Variants in TMEM163 observed in about 807,000 individuals in gnomAD.
The protein encoded by TMEM163 is transmembrane protein 163.
TMEM163 carries 17 observed loss-of-function variants against 29.3 expected under a neutral mutation model. That is an observed-to-expected ratio of 0.58 (90% CI 0.40 to 0.87). TMEM163 has a LOEUF of 0.87. Ranked by LOEUF, TMEM163 falls within the 40% of genes least tolerant of loss-of-function variation. The pLI is 0.00. For synonymous variants in TMEM163, 157 were observed against 160.6 expected (o/e 0.98, Z 0.17); for missense variants, 303 against 381.5 (o/e 0.79, Z 1.71).
chr2:134,505,140 C>T (rs1232220122), intron 4 of TMEM163, among the ~76,000 whole-genome samples: 11 of 151,952 alleles, frequency 7.2e-5, no homozygotes, highest in Non-Finnish European at 2.9e-5. Context: ...CTGAGTGACT[C>T]ACAGAGACTC....
chr2:134,709,070 C>A (rs1684874296), intron 2 of TMEM163, among the ~76,000 whole-genome samples: 1 of 152,146 alleles, frequency 6.6e-6, no homozygotes, highest in African/African-American at 2.4e-5. Flanking sequence ...AAAACAGAGT[C>A]AGAATGCATT....
chr2:134,561,706 G>T (rs1002962684), intron 2 of TMEM163, among the ~76,000 whole-genome samples: 2 of 152,168 alleles, frequency 1.3e-5, no homozygotes, highest in African/African-American at 4.8e-5. Flanking sequence ...TGCCAGCAGA[G>T]CTATCAAGTA....
chr2:134,633,909 C>T (rs1230722751), intron 2 of TMEM163, among the ~76,000 whole-genome samples: 1 of 142,972 alleles, frequency 7.0e-6, no homozygotes, highest in Non-Finnish European at 1.5e-5. Flanking sequence ...CTGCAGGGAG[C>T]AGAGATCATG....
At chr2:134,526,187 C>T (rs1049879115) in intron 4 of TMEM163, among the ~76,000 whole-genome samples, 2 of 152,234 alleles carry the variant, frequency 1.3e-5, no homozygotes, top group African/African-American at 4.8e-5. Flanking sequence ...TCGCATTTCA[C>T]ACTTGCTCTT....
At chr2:134,634,108 T>C (rs1026388083) in intron 2 of TMEM163, among the ~76,000 whole-genome samples, 1 of 149,674 alleles carries the variant, frequency 6.7e-6, no homozygotes, top group Non-Finnish European at 1.5e-5. Context: ...GTAGAAGAAG[T>C]AGAAAAGACA....
chr2:134,681,642 T>C (rs190174218), intron 2 of TMEM163, among the ~76,000 whole-genome samples: 1 of 152,330 alleles, frequency 6.6e-6, no homozygotes, highest in Non-Finnish European at 1.5e-5. Flanking sequence ...TGCCTTCTTT[T>C]AGCAGAGCAT....
chr2:134,668,349 C>T (rs550800111), intron 2 of TMEM163, among the ~76,000 whole-genome samples: 34 of 152,164 alleles, frequency 2.2e-4, no homozygotes, highest in Non-Finnish European at 4.6e-4. Flanking sequence ...AGGGGAAGGA[C>T]GGCAGTGGCA....
In TMEM163 at chr2:134,476,633, A is replaced by T. The variant is rs545594330; in HGVS notation, c.556-10408T>A. The stretch of plus-strand genomic sequence containing the variant: ...ATGTCCATTATTGGAATGTACAGTA[A>T]AGGACACAGATCAAACCACAGTCGT... On this transcript the variant is annotated intron_variant, in intron 5 of 7. Transcript: ENST00000281924. 3.9e-5 allele frequency among the ~76,000 whole-genome samples: 6 copies of T among 152,352 alleles called. No individual in the cohort carries two copies. The South Asian group carries it at 1.2e-3, about 32-fold the overall frequency.
chr2:134,716,017 C>T (rs1685030506), intron 1 of TMEM163, among the ~76,000 whole-genome samples: 1 of 152,178 alleles, frequency 6.6e-6, no homozygotes, highest in South Asian at 2.1e-4. Flanking sequence ...TCAGTTATTT[C>T]TACACTAGTA....
At chr2:134,537,494 C>G (rs1037610701) in intron 4 of TMEM163, among the ~76,000 whole-genome samples, 31 of 152,194 alleles carry the variant, frequency 2.0e-4, no homozygotes, top group Admixed American at 1.8e-3. Context: ...GGGCCCCAAC[C>G]TCATAACCTC....
intron 6 of TMEM163, among the ~76,000 whole-genome samples, chr2:134,459,589 G>T (rs746880787): frequency 2.3e-5 from 3 of 132,290 alleles, no homozygotes; most frequent in African/African-American, 9.0e-5. Flanking sequence ...CACAAAACCC[G>T]CAGAAGAGTC....
intron 2 of TMEM163, among the ~76,000 whole-genome samples, chr2:134,632,025 A>G (rs574170105): frequency 9.6e-4 from 146 of 152,352 alleles, no homozygotes; most frequent in African/African-American, 3.3e-3. Flanking sequence ...AGTTTCCAAC[A>G]AAGTCATATG....
intron 2 of TMEM163, among the ~76,000 whole-genome samples, chr2:134,689,044 CA>C (rs1435937774): frequency 2.0e-5 from 3 of 151,538 alleles, no homozygotes; most frequent in African/African-American, 7.3e-5. Flanking sequence ...ATAAAAATAT[CA>C]GCAAAATTAA....
chr2:134,551,486 AC>A (rs971825147), intron 3 of TMEM163, among the ~76,000 whole-genome samples: 3 of 152,142 alleles, frequency 2.0e-5, no homozygotes, highest in African/African-American at 7.2e-5. Flanking sequence ...ATGGGTCACT[AC>A]ACCACACCAC....
At chr2:134,675,311 TAATC>T (rs1684091424) in intron 2 of TMEM163, among the ~76,000 whole-genome samples, 1 of 152,166 alleles carries the variant, frequency 6.6e-6, no homozygotes, top group African/African-American at 2.4e-5. Context: ...TAATAAAAAA[TAATC>T]AACAAGTGAA....
chr2:134,482,374 C>T (rs1679212613), intron 5 of TMEM163, among the ~76,000 whole-genome samples: 1 of 152,102 alleles, frequency 6.6e-6, no homozygotes, highest in Non-Finnish European at 1.5e-5. Flanking sequence ...TGTCTGAAAT[C>T]CCAACCCACC....
At chr2:134,516,753 GAATA>G (rs377579802) in intron 4 of TMEM163, among the ~76,000 whole-genome samples, 6 of 74,916 alleles carry the variant, frequency 8.0e-5, no homozygotes, top group Non-Finnish European at 1.5e-4. Context: ...ATATATATAT[GAATA>G]GATATATATG....
intron 2 of TMEM163, among the ~76,000 whole-genome samples, chr2:134,625,523 G>T (rs1173331850): frequency 6.6e-6 from 1 of 152,154 alleles, no homozygotes; most frequent in African/African-American, 2.4e-5. Flanking sequence ...AGCACAATAG[G>T]CAAACAGGCA....
intron 2 of TMEM163, among the ~76,000 whole-genome samples, chr2:134,652,133 G>C (rs1339551720): frequency 1.5e-5 from 2 of 135,060 alleles, no homozygotes; most frequent in Non-Finnish European, 3.1e-5. Context: ...AATTACCTTG[G>C]GCAGTATGGC....
Sources: allele counts gnomAD v4.1 joint callset (sites outside exome capture counted in the v4.1 genomes callset), GRCh38; gene constraint gnomAD v4.1.1; transcripts MANE v1.5; gene names NCBI Gene and HGNC (gene_info 2026-07-23, HGNC 2026-07-21).